The following DDAH1 variants were observed in gnomAD, a reference collection of about 807,000 sequenced individuals.
DDAH1 encodes the protein dimethylarginine dimethylaminohydrolase 1, also known as N(G),N(G)-dimethylarginine dimethylaminohydrolase 1.
A neutral mutation model predicts 28.8 loss-of-function variants in DDAH1; 19 were observed. The ratio of observed to expected loss-of-function variants is 0.66; its 90% CI spans 0.46 to 0.97. The LOEUF (loss-of-function observed/expected upper bound fraction) is 0.97. Among genes scored for constraint, DDAH1 ranks in the 50% least tolerant of loss-of-function variants. DDAH1 has a pLI of 0.00. For missense variants in DDAH1, 326 were observed against 375.9 expected (o/e 0.87, Z 1.10); for synonymous variants, 153 against 154.4 (o/e 0.99, Z 0.07).
At chr1:85,449,670 G>A (rs1411089509) in intron 1 of DDAH1, among the ~76,000 whole-genome samples, 1 of 152,064 alleles carries the variant, frequency 6.6e-6, no homozygotes, top group Non-Finnish European at 1.5e-5. Flanking sequence ...GGGAGAAGGT[G>A]TATAACACTG....
chr1:85,536,272 C>T (rs1383387687), intron 1 of DDAH1, among the ~76,000 whole-genome samples: 14 of 151,798 alleles, frequency 9.2e-5, no homozygotes, highest in African/African-American at 3.1e-4. Flanking sequence ...ATTAAAAAGC[C>T]TGCTGGGTGC....
intron 1 of DDAH1, among the ~76,000 whole-genome samples, chr1:85,425,438 C>A (rs558084451): frequency 1.3e-5 from 2 of 152,200 alleles, no homozygotes; most frequent in East Asian, 3.9e-4. Context: ...TAAATCAGAG[C>A]TAGACTTTCC....
At chr1:85,423,891 G>T (rs2100619244) in intron 1 of DDAH1, among the ~76,000 whole-genome samples, 1 of 152,248 alleles carries the variant, frequency 6.6e-6, no homozygotes, top group East Asian at 1.9e-4. Context: ...CATTGAGTTT[G>T]TCACCCTTAA....
intron 2 of DDAH1, among the ~76,000 whole-genome samples, chr1:85,358,358 T>C (rs1375984091): frequency 1.3e-5 from 2 of 152,210 alleles, no homozygotes; most frequent in East Asian, 1.9e-4. Context: ...TAATTAAAAC[T>C]ACTACAATAG....
At chr1:85,322,633 C>T (rs1661401128) in intron 5 of DDAH1, among the ~76,000 whole-genome samples, 1 of 152,142 alleles carries the variant, frequency 6.6e-6, no homozygotes, top group Admixed American at 6.5e-5. Context: ...GTGACATTCC[C>T]TCTGAGCCTC....
intron 1 of DDAH1, chr1:85,404,306 GC>G: frequency 7.0e-7 from 1 of 1,432,878 alleles, no homozygotes; most frequent in Non-Finnish European, 9.4e-7. Context: ...TGAAACTTCT[GC>G]CTGTAGGATT....
chr1:85,334,700 C>T (rs985052636), intron 4 of DDAH1, among the ~76,000 whole-genome samples: 2 of 152,174 alleles, frequency 1.3e-5, no homozygotes, highest in Non-Finnish European at 2.9e-5. Context: ...TCTTGTACAA[C>T]CTGCAGAATT....
intron 4 of DDAH1, among the ~76,000 whole-genome samples, chr1:85,327,137 G>C (rs1383758171): frequency 6.6e-6 from 1 of 152,132 alleles, no homozygotes; most frequent in African/African-American, 2.4e-5. Context: ...CCTGAGCCCG[G>C]GAGTTTGAGA....
intron 1 of DDAH1, among the ~76,000 whole-genome samples, chr1:85,572,145 ATC>A (rs1222283580): frequency 2.0e-5 from 3 of 152,138 alleles, no homozygotes; most frequent in African/African-American, 4.8e-5. Context: ...GTTCTGACAC[ATC>A]TCTTTCTTTT....
chr1:85,393,821 T>C (rs966013204), intron 1 of DDAH1, among the ~76,000 whole-genome samples: 1 of 152,152 alleles, frequency 6.6e-6, no homozygotes, highest in Non-Finnish European at 1.5e-5. Flanking sequence ...GAATGACAAA[T>C]TTAGGGTTGC....
chr1:85,362,661 G>C (rs1222899764), intron 1 of DDAH1, among the ~76,000 whole-genome samples: 2 of 152,086 alleles, frequency 1.3e-5, no homozygotes, highest in Non-Finnish European at 2.9e-5. Context: ...TCAGTTTCTT[G>C]ACCTGCAAAT....
At chr1:85,391,816 C>A (rs1035053689) in intron 1 of DDAH1, among the ~76,000 whole-genome samples, 2 of 152,096 alleles carry the variant, frequency 1.3e-5, no homozygotes, top group Admixed American at 6.5e-5. Flanking sequence ...TGCAAACAAG[C>A]AGGACATTGG....
chr1:85,542,693 C>T (rs559191675), intron 1 of DDAH1, among the ~76,000 whole-genome samples: 2 of 152,156 alleles, frequency 1.3e-5, no homozygotes, highest in African/African-American at 4.8e-5. Flanking sequence ...ATATTCAGAT[C>T]CACCTTGTCC....
At chr1:85,505,451 G>A (rs138555678) in intron 1 of DDAH1, among the ~76,000 whole-genome samples, 2 of 151,966 alleles carry the variant, frequency 1.3e-5, no homozygotes, top group African/African-American at 2.4e-5. Context: ...CTGCTAAGAG[G>A]GAAAAAGTAT....
chr1:85,387,049 C>A (rs1177973647), intron 1 of DDAH1, among the ~76,000 whole-genome samples: 1 of 152,138 alleles, frequency 6.6e-6, no homozygotes, highest in Non-Finnish European at 1.5e-5. Flanking sequence ...ACCACTCTGA[C>A]CTCCTAGGTC....
intron 5 of DDAH1, among the ~76,000 whole-genome samples, chr1:85,323,417 T>C (rs1661434053): frequency 6.6e-6 from 1 of 152,144 alleles, no homozygotes; most frequent in South Asian, 2.1e-4. Context: ...CTAAAGTATA[T>C]AGATGAGACT....
intron 4 of DDAH1, among the ~76,000 whole-genome samples, chr1:85,338,755 A>T (rs879772008): frequency 1.3e-5 from 2 of 152,036 alleles, no homozygotes; most frequent in Non-Finnish European, 2.9e-5. Context: ...AATTAATATG[A>T]TCTGGCTGGG....
intron 1 of DDAH1, among the ~76,000 whole-genome samples, chr1:85,508,416 G>C: frequency 6.6e-6 from 1 of 152,220 alleles, no homozygotes; most frequent in East Asian, 1.9e-4. Context: ...CTGAAGACGG[G>C]TGATTTCCGC....
At chr1:85,413,164 G>A (rs1156674312) in intron 1 of DDAH1, among the ~76,000 whole-genome samples, 1 of 152,162 alleles carries the variant, frequency 6.6e-6, no homozygotes, top group African/African-American at 2.4e-5. Context: ...TGGAATCAAG[G>A]AAATTTAGTG....
Sources: allele counts gnomAD v4.1 joint callset (sites outside exome capture counted in the v4.1 genomes callset), GRCh38; gene constraint gnomAD v4.1.1; transcripts MANE v1.5; gene names NCBI Gene and HGNC (gene_info 2026-07-23, HGNC 2026-07-21).